The following RYK variants were observed in gnomAD, a reference collection of about 807,000 sequenced individuals.
The protein encoded by RYK is receptor like tyrosine kinase, also known as inactive tyrosine-protein kinase RYK.
Under a neutral mutation model 70.2 loss-of-function variants are expected in RYK, and 21 were observed. The observed-to-expected ratio is 0.30, with a 90% CI of 0.21 to 0.43. The LOEUF is 0.43. RYK is among the 20% of genes least tolerant of loss of function. RYK has a pLI of 1.00. For synonymous variants in RYK, 267 were observed against 278.0 expected, an observed-to-expected ratio of 0.96 and a Z score of 0.39; for missense variants, 604 against 753.3, an observed-to-expected ratio of 0.80 and a Z score of 2.32.
chr3:134,159,175 T>A, intron 14 of RYK, 62 bp downstream of exon 14: 4 of 1,552,406 alleles, frequency 2.6e-6, no homozygotes, highest in Non-Finnish European at 3.5e-6. Flanking sequence ...CCTGCTCTTT[T>A]TCCTTTATTC....
At chr3:134,247,275 C>T (rs2015490250) in intron 1 of RYK, among the ~76,000 whole-genome samples, 1 of 152,008 alleles carries the variant, frequency 6.6e-6, no homozygotes, top group South Asian at 2.1e-4. Flanking sequence ...AAGACTTATT[C>T]TACATTGATT....
At chr3:134,183,336 C>A in intron 9 of RYK, 1 of 243,894 alleles carries the variant, frequency 4.1e-6, no homozygotes, top group Non-Finnish European at 7.8e-6. Flanking sequence ...AAAACATATG[C>A]AACACATAAG....
intron 6 of RYK, among the ~76,000 whole-genome samples, chr3:134,201,660 T>C (rs113838122): frequency 8.5e-4 from 130 of 152,232 alleles, no homozygotes; most frequent in African/African-American, 3.0e-3. Context: ...GCATGGAGGC[T>C]TGTGGGAAGA....
intron 1 of RYK, among the ~76,000 whole-genome samples, chr3:134,247,040 C>G (rs530907487): frequency 1.3e-5 from 2 of 151,398 alleles, no homozygotes; most frequent in East Asian, 3.9e-4. Context: ...TGAGGGAACA[C>G]AGCCAAAGAT....
At chr3:134,215,665 A>G (rs903376268) in intron 2 of RYK, among the ~76,000 whole-genome samples, 2 of 152,218 alleles carry the variant, frequency 1.3e-5, no homozygotes, top group Non-Finnish European at 2.9e-5. Context: ...CTCAAAAGTT[A>G]AATGTACAGT....
At chr3:134,225,230 T>C (rs943918121) in intron 1 of RYK, among the ~76,000 whole-genome samples, 1 of 152,226 alleles carries the variant, frequency 6.6e-6, no homozygotes, top group African/African-American at 2.4e-5. Flanking sequence ...AATTTAAATT[T>C]GCCTTTTTTC....
chr3:134,166,189 C>T (rs115087255), intron 13 of RYK, among the ~76,000 whole-genome samples: 470 of 152,218 alleles, frequency 3.1e-3, no homozygotes, highest in African/African-American at 7.8e-3. Flanking sequence ...GTGGTCAGGT[C>T]ATGAGAGTGC....
chr3:134,178,406 A>G (rs1039825199), intron 10 of RYK: 8 of 181,230 alleles, frequency 4.4e-5, no homozygotes, highest in African/African-American at 1.9e-4. Flanking sequence ...CTAAAAACTG[A>G]CTTGCCCATG....
chr3:134,214,989 C>G (rs1012152387), intron 2 of RYK, among the ~76,000 whole-genome samples: 1 of 152,230 alleles, frequency 6.6e-6, no homozygotes, highest in East Asian at 1.9e-4. Context: ...TTCTCTCACT[C>G]TCTTTTACCT....
intron 10 of RYK, chr3:134,178,357 A>G (rs986607852): frequency 1.2e-5 from 3 of 258,012 alleles, no homozygotes; most frequent in Non-Finnish European, 2.1e-5. Context: ...CTCTAACCAC[A>G]CTATATCTTT....
chr3:134,223,601 A>T (rs1427258845), intron 1 of RYK, among the ~76,000 whole-genome samples: 1 of 150,844 alleles, frequency 6.6e-6, no homozygotes, highest in African/African-American at 2.5e-5. Flanking sequence ...AGTGTTTGAG[A>T]AATGTAAAAA....
At chr3:134,200,469 A>C (rs2107673762) in intron 6 of RYK, among the ~76,000 whole-genome samples, 1 of 152,332 alleles carries the variant, frequency 6.6e-6, no homozygotes, top group South Asian at 2.1e-4. Context: ...CACCATCTTT[A>C]AGAACTGTAA....
At chr3:134,224,116 C>T (rs2014815647) in intron 1 of RYK, among the ~76,000 whole-genome samples, 2 of 152,074 alleles carry the variant, frequency 1.3e-5, no homozygotes, top group South Asian at 4.1e-4. Flanking sequence ...AGACAAAAGA[C>T]AAAGAAATAG....
rs1165950076 is a variant in RYK, at chr3:134,225,884, AG to A, written c.233-3346del. Among the ~76,000 whole-genome samples the A allele has an allele frequency of 3.7e-3, 567 of 151,754 alleles. 2 individuals carry two copies. Among genetic ancestry groups the A allele is most frequent in the African/African-American group, 0.013 (533 of 41,404 alleles). ...AAAATAAAAAGATCAAAAAAAAAAAAGATCAAAGGTCACCAAATTGAGTGTG... is the reference window on the plus strand; with the variant it reads ...AAAATAAAAAGATCAAAAAAAAAAAAATCAAAGGTCACCAAATTGAGTGTG... On this transcript the variant is annotated intron_variant, in intron 1 of 14. Coordinates refer to ENST00000623711, the MANE Select transcript of RYK (RefSeq NM_002958.4).
At chr3:134,173,058 G>A (rs2012974574) in intron 13 of RYK, among the ~76,000 whole-genome samples, 1 of 152,090 alleles carries the variant, frequency 6.6e-6, no homozygotes, top group Admixed American at 6.5e-5. Context: ...TTGTTTCTTT[G>A]AGAATAGTTT....
At chr3:134,217,618 A>G (rs999029951) in intron 2 of RYK, among the ~76,000 whole-genome samples, 2 of 152,230 alleles carry the variant, frequency 1.3e-5, no homozygotes, top group Non-Finnish European at 2.9e-5. Context: ...AAACTGCAGA[A>G]AAGTAGGTGG....
intron 2 of RYK, among the ~76,000 whole-genome samples, chr3:134,212,957 G>A (rs1259459514): frequency 6.7e-6 from 1 of 149,756 alleles, no homozygotes; most frequent in African/African-American, 2.4e-5. Context: ...ACTGTTAAAG[G>A]CTGTGTTTGA....
intron 2 of RYK, among the ~76,000 whole-genome samples, chr3:134,217,522 G>A (rs530288571): frequency 6.6e-6 from 1 of 152,030 alleles, no homozygotes; most frequent in Non-Finnish European, 1.5e-5. Flanking sequence ...ATAATAATAA[G>A]TAATACAGCC....
At chr3:134,180,186 G>A (rs952248790) in intron 10 of RYK, 4 of 152,062 alleles carry the variant, frequency 2.6e-5, no homozygotes, top group Non-Finnish European at 5.9e-5. Flanking sequence ...TTCACCATCA[G>A]GCATCTTTGG....
Sources: gnomAD v4.1 joint callset for allele counts (sites outside exome capture counted in the v4.1 genomes callset) on GRCh38, gnomAD v4.1.1 for gene constraint, MANE v1.5 for transcripts, NCBI Gene and HGNC (gene_info 2026-07-23, HGNC 2026-07-21) for gene names.